Variants in TAX1BP1 observed in about 807,000 individuals in gnomAD.
The protein encoded by TAX1BP1 is Tax1 binding protein 1.
A neutral mutation model predicts 97.7 loss-of-function variants in TAX1BP1; 62 were observed. That is an observed-to-expected ratio of 0.63 (90% CI 0.52 to 0.78). TAX1BP1 has a LOEUF of 0.78. Ranked by LOEUF, TAX1BP1 falls within the 30% of genes least tolerant of loss-of-function variation. The pLI is 0.00. For synonymous variants in TAX1BP1, 340 were observed against 304.2 expected (o/e 1.12, Z -1.23); for missense variants, 867 against 916.1 (o/e 0.95, Z 0.69).
chr7:27,793,876 C>G (rs188758951), intron 10 of TAX1BP1, among the ~76,000 whole-genome samples: 88 of 152,286 alleles, frequency 5.8e-4, no homozygotes, highest in African/African-American at 2.1e-3. Context: ...CTCTCTTTTA[C>G]TATGTGATGC....
At chr7:27,792,933 G>A in intron 9 of TAX1BP1, 133 bp from the exon 10 acceptor site, 1 of 752,790 alleles carries the variant, frequency 1.3e-6, no homozygotes, top group Non-Finnish European at 2.1e-6. Flanking sequence ...CTGTGTTTCA[G>A]CCTGGGTGAC....
At position 27,794,426 on chromosome 7, in the gene TAX1BP1, T is replaced by C; in HGVS notation, c.1514T>C (p.Val505Ala). Residue 505 changes from valine (V) to alanine (A), a missense_variant, in exon 11 of 17, where the codon GTA becomes GCA. Coordinates refer to ENST00000396319, the MANE Select transcript of TAX1BP1 (RefSeq NM_006024.7). Reference protein sequence around the residue: ...DPATSASTVDVKPSPSAAEAD... With the variant: ...DPATSASTVDAKPSPSAAEAD... Reference sequence around the variant, plus strand: ...GCCACTTCTGCCTCTACTGTAGATGTAAAGCCATCACCTTCTGCAGGTAAA... The same window carrying C: ...GCCACTTCTGCCTCTACTGTAGATGCAAAGCCATCACCTTCTGCAGGTAAA... 1.2e-6 allele frequency: 2 copies of C among 1,609,352 alleles called. No homozygotes were observed. The highest frequency in any genetic ancestry group is 1.3e-5 in the African/African-American group (1 of 74,952).
Position 27,757,923 on chromosome 7 carries a change from T to C in TAX1BP1, c.163-108T>C, listed in dbSNP as rs2128309231. ...AAAATACTCATGATTTGTAAACATA[T>C]TAAATGTATATTTTAACTGTAAAAT... On this transcript the variant is annotated intron_variant, in intron 2 of 16. Coordinates refer to ENST00000396319, the MANE Select transcript of TAX1BP1 (RefSeq NM_006024.7). The C allele has an allele frequency of 6.9e-6, 4 of 577,586 alleles. No homozygotes were observed. In the East Asian group the frequency reaches 9.0e-5, roughly 13 times the overall value. 35.8% of individuals were successfully genotyped at this position (577,586 alleles called of 1,614,324 possible).
At chr7:27,794,242 ATAT>A in intron 10 of TAX1BP1, 78 bp from the exon 11 acceptor site, 1 of 1,231,740 alleles carries the variant, frequency 8.1e-7, no homozygotes, top group Non-Finnish European at 1.1e-6. Flanking sequence ...ATATGTAAAA[ATAT>A]TATTTACTTA....
intron 13 of TAX1BP1, among the ~76,000 whole-genome samples, chr7:27,813,361 C>CT (rs372748567): frequency 9.7e-5 from 14 of 145,064 alleles, no homozygotes; most frequent in South Asian, 6.6e-4. Flanking sequence ...TTTTTTTTTT[C>CT]TTTTTTTTTC....
intron 2 of TAX1BP1, among the ~76,000 whole-genome samples, chr7:27,751,111 G>T (rs1788003159): frequency 6.6e-6 from 1 of 152,144 alleles, no homozygotes; most frequent in Non-Finnish European, 1.5e-5. Flanking sequence ...TCCTGCTGCT[G>T]CCTTTTTGCT....
At chr7:27,824,747 G>A (rs1039477003) in intron 15 of TAX1BP1, among the ~76,000 whole-genome samples, 1 of 152,074 alleles carries the variant, frequency 6.6e-6, no homozygotes, top group Non-Finnish European at 1.5e-5. Context: ...AAAGAGTATT[G>A]TGCTGATGGG....
intron 13 of TAX1BP1, chr7:27,803,276 A>G (rs1790207100): frequency 8.7e-7 from 1 of 1,148,192 alleles, no homozygotes. Flanking sequence ...ATGTGACAGT[A>G]CAATGTTCAA....
chr7:27,741,934 T>C (rs1233908459), intron 1 of TAX1BP1, among the ~76,000 whole-genome samples: 1 of 152,148 alleles, frequency 6.6e-6, no homozygotes, highest in Admixed American at 6.5e-5. Flanking sequence ...CTTTGCATCA[T>C]AGACAAGGTA....
chr7:27,772,631 A>G (rs559233833), intron 5 of TAX1BP1: 41 of 152,154 alleles, frequency 2.7e-4, no homozygotes, highest in Non-Finnish European at 5.3e-4. Flanking sequence ...TTATCACTCT[A>G]AAGTGCTCTA....
At chr7:27,773,551 T>C (rs781690649) in intron 5 of TAX1BP1, among the ~76,000 whole-genome samples, 35 of 152,208 alleles carry the variant, frequency 2.3e-4, no homozygotes, top group Middle Eastern at 3.4e-3. Flanking sequence ...AATCATATAA[T>C]ATGTGGCCTT....
intron 15 of TAX1BP1, among the ~76,000 whole-genome samples, chr7:27,821,959 AT>A (rs2128326465): frequency 6.6e-6 from 1 of 152,288 alleles, no homozygotes; most frequent in South Asian, 2.1e-4. Flanking sequence ...TTCACTTAGC[AT>A]GTTTTCAAAG....
chr7:27,810,098 A>G, intron 13 of TAX1BP1, among the ~76,000 whole-genome samples: 1 of 151,718 alleles, frequency 6.6e-6, no homozygotes, highest in South Asian at 2.1e-4. Flanking sequence ...TAGTAGAGAC[A>G]AGGTTTCACT....
intron 11 of TAX1BP1, among the ~76,000 whole-genome samples, chr7:27,795,697 T>C (rs1003276927): frequency 2.0e-5 from 3 of 151,912 alleles, no homozygotes; most frequent in Middle Eastern, 3.2e-3. Flanking sequence ...GGACTACAGG[T>C]GTGTGTCACC....
chr7:27,822,877 T>C (rs1791031014), intron 15 of TAX1BP1, among the ~76,000 whole-genome samples: 1 of 152,210 alleles, frequency 6.6e-6, no homozygotes, highest in South Asian at 2.1e-4. Flanking sequence ...GTTTTTAATT[T>C]ACTCGTATGT....
At chr7:27,741,198 A>G (rs560255045) in intron 1 of TAX1BP1, among the ~76,000 whole-genome samples, 5 of 152,366 alleles carry the variant, frequency 3.3e-5, no homozygotes, top group Admixed American at 2.0e-4. Flanking sequence ...CATTCTGCTA[A>G]TGTTAAAATT....
intron 15 of TAX1BP1, among the ~76,000 whole-genome samples, chr7:27,827,056 A>G (rs1791201507): frequency 6.6e-6 from 1 of 152,370 alleles, no homozygotes; most frequent in South Asian, 2.1e-4. Context: ...GCAGTCTGAC[A>G]GTATTGAAAG....
At chr7:27,769,029 A>G (rs1475577385) in intron 4 of TAX1BP1, among the ~76,000 whole-genome samples, 3 of 151,914 alleles carry the variant, frequency 2.0e-5, no homozygotes, top group African/African-American at 4.8e-5. Flanking sequence ...ATTGAAGTTT[A>G]TATTTTCCTG....
chr7:27,820,579 T>A (rs1360900067), intron 15 of TAX1BP1, among the ~76,000 whole-genome samples: 1 of 152,244 alleles, frequency 6.6e-6, no homozygotes, highest in East Asian at 1.9e-4. Context: ...CAATTCATTT[T>A]TATCAAGAGA....
Sources: allele counts gnomAD v4.1 joint callset (sites outside exome capture counted in the v4.1 genomes callset), GRCh38; gene constraint gnomAD v4.1.1; transcripts MANE v1.5; gene names NCBI Gene and HGNC (gene_info 2026-07-23, HGNC 2026-07-21).